POMT2: variants seen among roughly 807,000 people sequenced by gnomAD.
The protein encoded by POMT2 is protein O-mannosyl-transferase 2.
In POMT2, 75 loss-of-function variants were observed where a neutral mutation model predicts 100.0. The ratio of observed to expected loss-of-function variants is 0.75; its 90% CI spans 0.62 to 0.91. The LOEUF is 0.91. Among genes scored for constraint, POMT2 ranks in the 40% least tolerant of loss-of-function variants. The probability of loss-of-function intolerance (pLI) is 0.00; values close to 1 mark genes in which losing one functional copy is unlikely to be tolerated. For synonymous variants in POMT2, 378 were observed against 374.1 expected, an observed-to-expected ratio of 1.01 and a Z score of -0.12; for missense variants, 940 against 955.1, an observed-to-expected ratio of 0.98 and a Z score of 0.21.
chr14:77,296,070 G>T, intron 9 of POMT2, 94 bp downstream of exon 9: 1 of 1,020,546 alleles, frequency 9.8e-7, no homozygotes, highest in Non-Finnish European at 1.5e-6. Context: ...TTTCAAGCAG[G>T]GCGAACAGGA....
chr14:77,314,891 AAT>A (rs1891573138), intron 1 of POMT2, among the ~76,000 whole-genome samples: 1 of 152,222 alleles, frequency 6.6e-6, no homozygotes, highest in South Asian at 2.1e-4. Flanking sequence ...GCCAAAAGTA[AAT>A]ATAAATATGA....
chr14:77,314,119 T>C (rs980005583), intron 1 of POMT2, among the ~76,000 whole-genome samples: 4 of 152,250 alleles, frequency 2.6e-5, no homozygotes, highest in African/African-American at 9.6e-5. Flanking sequence ...TCCGTGGCTC[T>C]CTTGTGCTCC....
At chr14:77,302,989 GC>G in intron 4 of POMT2, 46 bp from the exon 5 acceptor site, 3 of 1,467,648 alleles carry the variant, frequency 2.0e-6, no homozygotes, top group Non-Finnish European at 2.8e-6. Flanking sequence ...TAAGAGAAGG[GC>G]CCCCTGAAAA....
In POMT2 at chr14:77,320,502, C is replaced by G. The variant is rs1445911982; in HGVS notation, c.180G>C (p.Leu60=). 3.2e-6 allele frequency: 5 copies of G among 1,546,894 alleles called. No homozygotes were observed. In the East Asian group the frequency reaches 1.2e-4, roughly 38 times the overall value. The change falls in exon 1 of 21, where the codon CTG becomes CTC. Residue 60 remains leucine (L), a synonymous_variant. Coordinates refer to ENST00000261534, the MANE Select transcript of POMT2 (RefSeq NM_013382.7). ...AGGACAGCAGCGTCACCAAGGCCAGCAGGGCCCACCAGCCGACCGCCTCGA... is the reference window on the plus strand; with the variant it reads ...AGGACAGCAGCGTCACCAAGGCCAGGAGGGCCCACCAGCCGACCGCCTCGA... The part of the protein sequence containing the change: ...RRFEAVGWWA[L]LALVTLLSFA...
rs567280026 is a variant in POMT2 at position 77,284,875 on chromosome 14, C to A, written c.1576+75G>T. ...TTGAAGGGATAGCACAGTTTACAAA[C>A]GCTTACTTTTCTAAGATAAGGGTTT... On this transcript the variant is annotated intron_variant, in intron 14 of 20. Transcript: ENST00000261534. 14 of 1,333,510 alleles carry A rather than the reference C, an allele frequency of 1.0e-5. No individual in the cohort carries two copies. In the East Asian group the frequency reaches 3.0e-4, roughly 29 times the overall value. The allele number at this position is 1,333,510 out of a possible 1,614,324, so 82.6% of individuals were successfully genotyped here. A position where few individuals can be genotyped will look rare whatever the true frequency, so the allele number is the denominator to read the frequency against.
chr14:77,311,225 G>A (rs946743503), intron 2 of POMT2, among the ~76,000 whole-genome samples: 3 of 152,240 alleles, frequency 2.0e-5, no homozygotes, highest in African/African-American at 7.2e-5. Flanking sequence ...CAAACCATGT[G>A]TATGCTGGGC....
At chr14:77,291,534 A>G (rs1890642319) in intron 9 of POMT2, 154 bp from the exon 10 acceptor site, 18 of 994,192 alleles carry the variant, frequency 1.8e-5, no homozygotes, top group Admixed American at 1.4e-4. Flanking sequence ...ATGTTTCCCA[A>G]TGGGGCTCAT....
At chr14:77,317,348 C>G (rs1319390203) in intron 1 of POMT2, among the ~76,000 whole-genome samples, 1 of 152,232 alleles carries the variant, frequency 6.6e-6, no homozygotes, top group Non-Finnish European at 1.5e-5. Flanking sequence ...GTCCAATTAT[C>G]TGACTCTGTG....
At chr14:77,312,072 T>A in intron 1 of POMT2, 39 bp from the exon 2 acceptor site, 2 of 1,607,948 alleles carry the variant, frequency 1.2e-6, no homozygotes, top group South Asian at 1.1e-5. Flanking sequence ...AATTTTAAAA[T>A]TATCATAAAA....
intron 11 of POMT2, 145 bp downstream of exon 11, chr14:77,288,617 A>C: frequency 1.4e-6 from 1 of 722,912 alleles, no homozygotes. Flanking sequence ...CATCACCTTC[A>C]TAAAATGCTT....
At position 77,298,142 on chromosome 14, in the gene POMT2, G is replaced by A. The variant is rs539226349; in HGVS notation, c.1006+547C>T. On this transcript the variant is annotated intron_variant, in intron 8 of 20. Transcript: ENST00000261534. ...CTGTTGAAAGCCACACATTCTTCCA[G>A]GGCCTGACTCCAAGGCAACCCACAT... 2.0e-5 allele frequency among the ~76,000 whole-genome samples: 3 copies of A among 152,236 alleles called. No homozygotes were observed. The East Asian group carries it at 5.8e-4, about 29-fold the overall frequency.
intron 9 of POMT2, among the ~76,000 whole-genome samples, chr14:77,294,576 G>A (rs918242550): frequency 2.0e-5 from 3 of 152,102 alleles, no homozygotes; most frequent in African/African-American, 4.8e-5. Flanking sequence ...CGCCCACCTC[G>A]GCATAAGCCA....
intron 11 of POMT2, 51 bp downstream of exon 11, chr14:77,288,711 C>T (rs887765110): frequency 1.3e-6 from 2 of 1,498,352 alleles, no homozygotes; most frequent in Admixed American, 3.4e-5. Flanking sequence ...AAATAACTCC[C>T]TCCCCTTGGT....
rs370815424 is a variant in POMT2, at chr14:77,287,709, TG to T, written c.1254-888del. 23 of 152,254 alleles carry T rather than the reference TG, an allele frequency of 1.5e-4. No individual in the cohort carries two copies. In the East Asian group the frequency reaches 3.7e-3, roughly 24 times the overall value. 9.4% of individuals were successfully genotyped at this position (152,254 alleles called of 1,614,324 possible). On this transcript the variant is annotated intron_variant, in intron 11 of 20. Coordinates refer to ENST00000261534, the MANE Select transcript of POMT2 (RefSeq NM_013382.7). ...ATTTCCTTGTGTGCTTTGTTACTTTTGGGTGTGTACTATTGTCACTAAAAAA... is the reference window on the plus strand; with the variant it reads ...ATTTCCTTGTGTGCTTTGTTACTTTTGGTGTGTACTATTGTCACTAAAAAA...
Position 77,276,298 on chromosome 14 carries a change from G to C in POMT2, c.*1078C>G, listed in dbSNP as rs990726227. The C allele has an allele frequency of 1.3e-5, 2 of 152,672 alleles. No individual in the cohort carries two copies. Among genetic ancestry groups the C allele is most frequent in the African/African-American group, 4.8e-5 (2 of 41,462 alleles). 9.5% of individuals were successfully genotyped at this position (152,672 alleles called of 1,614,324 possible). A position where few individuals can be genotyped will look rare whatever the true frequency, so the allele number is the denominator to read the frequency against. ...GGTCTTCACTGCTGAAGCAGTGACA[G>C]AGAGAAAGGGAATTGCCCACGGAGT... On this transcript the variant is annotated 3_prime_UTR_variant, in exon 21 of 21. Transcript: ENST00000261534.
chr14:77,306,216 C>A (rs1168917612), intron 3 of POMT2, 121 bp downstream of exon 3: 3 of 1,522,832 alleles, frequency 2.0e-6, no homozygotes, highest in Non-Finnish European at 2.7e-6. Flanking sequence ...CCTCCCCTCT[C>A]CTCACCACCC....
In POMT2 at chr14:77,279,933, G is replaced by C. The variant is rs369026034; in HGVS notation, c.1786-5C>G. ...CAGATTCAGCCACCAAACCACCTGT[G>C]CAGAAATGGGAATGGGCAGATGAGA... On this transcript the variant is annotated splice_region_variant and splice_polypyrimidine_tract_variant and intron_variant, in intron 17 of 20. Coordinates refer to ENST00000261534, the MANE Select transcript of POMT2 (RefSeq NM_013382.7). The C allele has an allele frequency of 5.6e-6, 9 of 1,614,042 alleles. No homozygotes were observed. In the African/African-American group the frequency reaches 9.3e-5, roughly 17 times the overall value.
In POMT2 at chr14:77,298,759, G is replaced by A. The variant is rs186690580; in HGVS notation, c.936C>T (p.Asp312=). 3.3e-5 allele frequency: 54 copies of A among 1,612,914 alleles called. No homozygotes were observed. The highest frequency in any genetic ancestry group is 1.3e-4 in the East Asian group (6 of 44,876). ...CCTGGAAGGCAGAACTGAAGAAACCGTCACCAGGGCCACTGTGGGGAGAGG... is the reference window on the plus strand; with the variant it reads ...CCTGGAAGGCAGAACTGAAGAAACCATCACCAGGGCCACTGTGGGGAGAGG... The part of the protein sequence containing the change: ...FMVLSKSGPG[D]GFFSSAFQAR... The change falls in exon 8 of 21, where the codon GAC becomes GAT. Residue 312 remains aspartate, a synonymous_variant. Coordinates refer to ENST00000261534, the MANE Select transcript of POMT2 (RefSeq NM_013382.7).
chr14:77,309,766 T>C (rs1370129331), intron 2 of POMT2, among the ~76,000 whole-genome samples: 2 of 152,170 alleles, frequency 1.3e-5, no homozygotes, highest in Non-Finnish European at 2.9e-5. Flanking sequence ...CACTGCAACC[T>C]CTACCTCCCA....
Sources: allele counts gnomAD v4.1 joint callset (sites outside exome capture counted in the v4.1 genomes callset), GRCh38; gene constraint gnomAD v4.1.1; transcripts MANE v1.5; gene names NCBI Gene and HGNC (gene_info 2026-07-23, HGNC 2026-07-21).